The following NTF3 variants were observed in gnomAD, a reference collection of about 807,000 sequenced individuals.
The protein encoded by NTF3 is neurotrophin 3.
NTF3 carries 8 observed loss-of-function variants against 26.3 expected under a neutral mutation model. That is an observed-to-expected ratio of 0.30 (90% CI 0.18 to 0.55). The LOEUF (loss-of-function observed/expected upper bound fraction) is 0.55, where lower values mean the gene tolerates loss of function less well. Ranked by LOEUF, NTF3 falls within the 20% of genes least tolerant of loss-of-function variation. The probability of loss-of-function intolerance (pLI) is 0.93; values close to 1 mark genes in which losing one functional copy is unlikely to be tolerated. For missense variants in NTF3, 276 were observed against 352.9 expected (o/e 0.78, Z 1.75); for synonymous variants, 154 against 145.5 (o/e 1.06, Z -0.42).
chr12:5,451,200 T>C (rs1206898783), intron 1 of NTF3, among the ~76,000 whole-genome samples: 1 of 152,254 alleles, frequency 6.6e-6, no homozygotes, highest in East Asian at 1.9e-4. Context: ...TATGGGATTG[T>C]ACCCCTCTGC....
At chr12:5,485,632 T>C (rs979375824) in intron 1 of NTF3, among the ~76,000 whole-genome samples, 1 of 152,224 alleles carries the variant, frequency 6.6e-6, no homozygotes, top group Non-Finnish European at 1.5e-5. Flanking sequence ...GTGTCTGTGA[T>C]TAAAGACAGC....
intron 1 of NTF3, among the ~76,000 whole-genome samples, chr12:5,444,276 C>T (rs1201063657): frequency 6.6e-6 from 1 of 152,140 alleles, no homozygotes; most frequent in Non-Finnish European, 1.5e-5. Flanking sequence ...ATGTGTTTTC[C>T]TGTGGTATGC....
chr12:5,439,711 G>C (rs1940214610), intron 1 of NTF3, among the ~76,000 whole-genome samples: 1 of 152,176 alleles, frequency 6.6e-6, no homozygotes, highest in African/African-American at 2.4e-5. Context: ...TGGACATCTG[G>C]TTTTGATCCA....
chr12:5,472,717 C>T lies in NTF3; in HGVS notation c.19-21477C>T, dbSNP rs569005334. ...TTCTCATTTGCAACTGTCTTCTCCCCGCTGGGCTCAGTGTTCCTGGGAGGG... is the reference window on the plus strand; with the variant it reads ...TTCTCATTTGCAACTGTCTTCTCCCTGCTGGGCTCAGTGTTCCTGGGAGGG... On this transcript the variant is annotated intron_variant, in intron 1 of 1. Coordinates refer to ENST00000423158, the MANE Select transcript of NTF3 (RefSeq NM_001102654.2). Among the ~76,000 whole-genome samples, 40 of 152,276 alleles carry T rather than the reference C, an allele frequency of 2.6e-4. No homozygotes were observed. In the South Asian group the frequency reaches 3.3e-3, roughly 13 times the overall value.
chr12:5,477,665 A>G lies in NTF3; in HGVS notation c.19-16529A>G, dbSNP rs113917439. Among the ~76,000 whole-genome samples the G allele has an allele frequency of 4.2e-3, 638 of 152,278 alleles. 3 individuals carry two copies. The highest frequency in any genetic ancestry group is 6.8e-3 in the Non-Finnish European group (462 of 68,034). ...ACTGACAAAGTGAGTTATCATCACT[A>G]TTGATGCTATAATTATTCGTGAGCC... is the stretch of plus-strand genomic sequence containing the variant. On this transcript the variant is annotated intron_variant, in intron 1 of 1. Transcript: ENST00000423158.
rs1422741617 is a variant in NTF3, at chr12:5,456,645, G to A, written c.18+24303G>A. 1.3e-5 allele frequency among the ~76,000 whole-genome samples: 2 copies of A among 152,022 alleles called. No individual in the cohort carries two copies. The highest frequency in any genetic ancestry group is 2.9e-5 in the Non-Finnish European group (2 of 67,988). On this transcript the variant is annotated intron_variant, in intron 1 of 1. Coordinates refer to ENST00000423158, the MANE Select transcript of NTF3 (RefSeq NM_001102654.2). This position sits in a 1 kb window ranked among gnomAD's most constrained non-coding sequence, Gnocchi z 4.4. ...CCCCCAGCCCCTGGAGCAGGTACTC[G>A]GGGTCAGAGCTCTGCTGAGGGTCTG... is the stretch of plus-strand genomic sequence containing the variant.
intron 1 of NTF3, among the ~76,000 whole-genome samples, chr12:5,488,214 T>C (rs185766516): frequency 1.1e-4 from 17 of 152,336 alleles, no homozygotes; most frequent in Non-Finnish European, 2.2e-4. Flanking sequence ...TTTGGATCCA[T>C]TGTAACCCCA....
chr12:5,459,531 T>G (rs1219946688), intron 1 of NTF3, among the ~76,000 whole-genome samples: 1 of 152,242 alleles, frequency 6.6e-6, no homozygotes, highest in Admixed American at 6.5e-5. Flanking sequence ...TCTCTTGTGC[T>G]GTTTTCTTAT....
intron 1 of NTF3, among the ~76,000 whole-genome samples, chr12:5,484,596 A>G (rs1940845431): frequency 6.6e-6 from 1 of 152,222 alleles, no homozygotes; most frequent in Non-Finnish European, 1.5e-5. Context: ...AAAAGGGCCA[A>G]CAATCATAAA....
chr12:5,437,116 A>G (rs999398690), intron 1 of NTF3, among the ~76,000 whole-genome samples: 21 of 152,154 alleles, frequency 1.4e-4, no homozygotes, highest in Non-Finnish European at 2.5e-4. Context: ...TTCCCCAGAG[A>G]TGAAGATGGA....
In NTF3 at chr12:5,435,475, C is replaced by T. The variant is rs527916253; in HGVS notation, c.18+3133C>T. ...ATCTTGGGGGCCAAAGGGAAGCTGA[C>T]TTGAAATATATCTCTGGTTTTGTAA... On this transcript the variant is annotated intron_variant, in intron 1 of 1. Coordinates refer to ENST00000423158, the MANE Select transcript of NTF3 (RefSeq NM_001102654.2). 2.0e-5 allele frequency among the ~76,000 whole-genome samples: 3 copies of T among 152,256 alleles called. No individual in the cohort carries two copies. In the South Asian group the frequency reaches 6.2e-4, roughly 32 times the overall value.
chr12:5,483,472 G>A (rs1264637780), intron 1 of NTF3, among the ~76,000 whole-genome samples: 1 of 152,178 alleles, frequency 6.6e-6, no homozygotes, highest in Non-Finnish European at 1.5e-5. Flanking sequence ...AGGCCCTTCT[G>A]AGCAAATTTA....
chr12:5,450,575 A>G (rs1222342057), intron 1 of NTF3, among the ~76,000 whole-genome samples: 1 of 152,234 alleles, frequency 6.6e-6, no homozygotes, highest in African/African-American at 2.4e-5. Flanking sequence ...GACAACAAGA[A>G]TAGATTTGGC....
intron 1 of NTF3, among the ~76,000 whole-genome samples, chr12:5,455,194 G>A (rs1021753699): frequency 6.6e-6 from 1 of 152,268 alleles, no homozygotes; most frequent in South Asian, 2.1e-4. Flanking sequence ...GCCTGCCTGC[G>A]CTCTTGAAAC....
intron 1 of NTF3, among the ~76,000 whole-genome samples, chr12:5,451,740 G>A (rs1463731871): frequency 2.6e-5 from 4 of 151,948 alleles, no homozygotes; most frequent in Non-Finnish European, 2.9e-5. Context: ...TTGTAGACTC[G>A]CGTGTGGTGG....
chr12:5,445,697 G>A (rs953231339), intron 1 of NTF3, among the ~76,000 whole-genome samples: 1 of 152,186 alleles, frequency 6.6e-6, no homozygotes, highest in African/African-American at 2.4e-5. Context: ...AGAAGCTCAC[G>A]AGGTGAATGC....
At chr12:5,439,475 C>G (rs1031718074) in intron 1 of NTF3, among the ~76,000 whole-genome samples, 1 of 152,110 alleles carries the variant, frequency 6.6e-6, no homozygotes, top group Non-Finnish European at 1.5e-5. Context: ...GTTGGTCACC[C>G]CATAGGGTAA....
At chr12:5,454,855 C>T (rs1371564260) in intron 1 of NTF3, among the ~76,000 whole-genome samples, 3 of 152,152 alleles carry the variant, frequency 2.0e-5, no homozygotes, top group African/African-American at 4.8e-5. Flanking sequence ...GAAAGTATAG[C>T]GAGCAGAGCG....
intron 1 of NTF3, among the ~76,000 whole-genome samples, chr12:5,455,162 G>A (rs151082924): frequency 1.3e-5 from 2 of 152,262 alleles, no homozygotes; most frequent in African/African-American, 2.4e-5. Flanking sequence ...CTGCCTACAG[G>A]GTCATGCGGC....
Sources: gnomAD v4.1 joint callset for allele counts (sites outside exome capture counted in the v4.1 genomes callset) on GRCh38, gnomAD v4.1.1 for gene constraint, Gnocchi (gnomAD v3.1) non-coding constraint, MANE v1.5 for transcripts, NCBI Gene and HGNC (gene_info 2026-07-23, HGNC 2026-07-21) for gene names.